FSTL4: variants seen among roughly 807,000 people sequenced by gnomAD.
FSTL4 encodes follistatin like 4.
FSTL4 carries 28 observed loss-of-function variants against 78.2 expected under a neutral mutation model. The observed-to-expected ratio is 0.36, with a 90% CI of 0.27 to 0.49. The LOEUF is 0.49. Ranked by LOEUF, FSTL4 falls within the 20% of genes least tolerant of loss-of-function variation. FSTL4 has a pLI of 0.98. For synonymous variants in FSTL4, 422 were observed against 440.5 expected, an observed-to-expected ratio of 0.96 and a Z score of 0.53; for missense variants, 922 against 1,084.9, an observed-to-expected ratio of 0.85 and a Z score of 2.11.
At chr5:133,750,171 G>A in the FSTL4 span, among the ~76,000 whole-genome samples, 1 of 152,096 alleles carries the variant, frequency 6.6e-6, no homozygotes, top group Non-Finnish European at 1.5e-5. Context: ...CACCAAGAGA[G>A]GACAATACTG....
intron 3 of FSTL4, among the ~76,000 whole-genome samples, chr5:133,499,299 A>G (rs1431586521): frequency 1.3e-5 from 2 of 151,178 alleles, no homozygotes; most frequent in African/African-American, 4.9e-5. Flanking sequence ...TCATGGCTAC[A>G]CACATCACTG....
the FSTL4 span, among the ~76,000 whole-genome samples, chr5:133,762,261 A>G: frequency 6.6e-6 from 1 of 152,222 alleles, no homozygotes; most frequent in South Asian, 2.1e-4. Context: ...CACCCCAACA[A>G]TGCAAAGAGG....
intron 3 of FSTL4, among the ~76,000 whole-genome samples, chr5:133,499,763 T>C (rs1398612076): frequency 6.6e-6 from 1 of 152,164 alleles, no homozygotes; most frequent in African/African-American, 2.4e-5. Flanking sequence ...TTTGAAGTCC[T>C]TGAGGCAGCA....
chr5:133,658,679 T>A, the FSTL4 span, among the ~76,000 whole-genome samples: 1 of 152,276 alleles, frequency 6.6e-6, no homozygotes, highest in Admixed American at 6.5e-5. Flanking sequence ...TTGGGTTTAC[T>A]CTGTTTCCCC....
rs143300999 is a variant in FSTL4, at chr5:133,582,541, T to C, written c.127-15322A>G. Among the ~76,000 whole-genome samples, 3 of 152,230 alleles carry C rather than the reference T, an allele frequency of 2.0e-5. No homozygotes were observed. In the East Asian group the frequency reaches 5.8e-4, roughly 29 times the overall value. The stretch of plus-strand genomic sequence containing the variant: ...GTGCTCATCATTGTTTCTGAGACTC[T>C]GGAGTGGGGAGGGGTCCACTAGTTC... On this transcript the variant is annotated intron_variant, in intron 2 of 15. Transcript: ENST00000265342.
chr5:133,462,612 T>C (rs1386038147), intron 3 of FSTL4, among the ~76,000 whole-genome samples: 1 of 152,176 alleles, frequency 6.6e-6, no homozygotes, highest in African/African-American at 2.4e-5. Context: ...AAGGAGCCGG[T>C]AGACTACCCT....
chr5:133,351,838 T>C (rs565873810), intron 4 of FSTL4, among the ~76,000 whole-genome samples: 1 of 152,148 alleles, frequency 6.6e-6, no homozygotes, highest in East Asian at 1.9e-4. Context: ...AAACTCCTGA[T>C]CTCAGGTGAT....
intron 14 of FSTL4, among the ~76,000 whole-genome samples, chr5:133,207,309 A>G (rs4958168): frequency 0.23 from 35,594 of 152,158 alleles, 4,914 homozygotes; most frequent in East Asian, 0.46. Context: ...CTGTCTCTCA[A>G]CATGCTTAGT....
At chr5:133,590,659 C>T (rs1760603952) in intron 2 of FSTL4, among the ~76,000 whole-genome samples, 1 of 152,168 alleles carries the variant, frequency 6.6e-6, no homozygotes, top group Non-Finnish European at 1.5e-5. Context: ...AGTCACAGGG[C>T]CACAACTGAG....
chr5:133,695,189 A>G, the FSTL4 span, among the ~76,000 whole-genome samples: 2 of 152,106 alleles, frequency 1.3e-5, no homozygotes, highest in Admixed American at 6.5e-5. Context: ...GTCATCATCA[A>G]TGCCATCATA....
At chr5:133,746,966 C>G in the FSTL4 span, among the ~76,000 whole-genome samples, 2 of 152,190 alleles carry the variant, frequency 1.3e-5, no homozygotes, top group African/African-American at 2.4e-5. Context: ...CTAACTGGCC[C>G]AGGCATCCTG....
At chr5:133,498,027 G>A (rs1294002172) in intron 3 of FSTL4, among the ~76,000 whole-genome samples, 2 of 152,126 alleles carry the variant, frequency 1.3e-5, no homozygotes, top group African/African-American at 4.8e-5. Flanking sequence ...CACACTGGTG[G>A]CACTGAGGGG....
chr5:133,320,099 C>A (rs909519368), intron 4 of FSTL4, among the ~76,000 whole-genome samples: 4 of 152,134 alleles, frequency 2.6e-5, no homozygotes, highest in Non-Finnish European at 4.4e-5. Flanking sequence ...CCTTTGTCAT[C>A]CGAATTCCAC....
intron 3 of FSTL4, among the ~76,000 whole-genome samples, chr5:133,511,318 G>C (rs1214660368): frequency 6.6e-6 from 1 of 152,158 alleles, no homozygotes; most frequent in Non-Finnish European, 1.5e-5. Flanking sequence ...CAGACCTTAA[G>C]GACAAAGAAC....
At chr5:133,738,543 CT>C in the FSTL4 span, among the ~76,000 whole-genome samples, 4 of 152,178 alleles carry the variant, frequency 2.6e-5, no homozygotes, top group Non-Finnish European at 5.9e-5. Flanking sequence ...CCCCACTCTG[CT>C]TGGCCATGGC....
chr5:133,495,074 C>A (rs898312530), intron 3 of FSTL4, among the ~76,000 whole-genome samples: 1 of 152,184 alleles, frequency 6.6e-6, no homozygotes, highest in Non-Finnish European at 1.5e-5. Context: ...AGCATCCTGA[C>A]AGGAATCCAT....
At chr5:133,627,583 T>C in the FSTL4 span, among the ~76,000 whole-genome samples, 3 of 152,216 alleles carry the variant, frequency 2.0e-5, no homozygotes, top group African/African-American at 7.2e-5. Flanking sequence ...CTTTGAATTC[T>C]TTTGATTAAT....
At chr5:133,331,961 C>T (rs1420774818) in intron 4 of FSTL4, among the ~76,000 whole-genome samples, 1 of 152,168 alleles carries the variant, frequency 6.6e-6, no homozygotes, top group Non-Finnish European at 1.5e-5. Flanking sequence ...CTGTGAAAGT[C>T]GGTGCCAGGC....
At chr5:133,386,572 C>T (rs73788068) in intron 4 of FSTL4, among the ~76,000 whole-genome samples, 1 of 152,298 alleles carries the variant, frequency 6.6e-6, no homozygotes, top group African/African-American at 2.4e-5. Flanking sequence ...CAGTTGTTTA[C>T]CCTGAGAACC....
Sources: gnomAD v4.1 joint callset for allele counts (sites outside exome capture counted in the v4.1 genomes callset) on GRCh38, gnomAD v4.1.1 for gene constraint, MANE v1.5 for transcripts, NCBI Gene and HGNC (gene_info 2026-07-23, HGNC 2026-07-21) for gene names.